Variants in DNAJC24 observed in about 807,000 individuals in gnomAD.
DNAJC24 encodes the protein DnaJ heat shock protein family (Hsp40) member C24, also known as dnaJ homolog subfamily C member 24.
In DNAJC24, 17 loss-of-function variants were observed where a neutral mutation model predicts 18.0. The ratio of observed to expected loss-of-function variants is 0.94; its 90% CI spans 0.65 to 1.42. DNAJC24 has a LOEUF of 1.42. DNAJC24 is among the 40% of genes most tolerant of loss of function. The pLI, the probability that DNAJC24 is intolerant of heterozygous loss-of-function variation, is 0.00. For missense variants in DNAJC24, 158 were observed against 175.6 expected (o/e 0.90, Z 0.57); for synonymous variants, 55 against 57.7 (o/e 0.95, Z 0.21).
chr11:31,423,349 C>T (rs149060469), intron 3 of DNAJC24, among the ~76,000 whole-genome samples: 1,596 of 152,260 alleles, frequency 0.01, 69 homozygotes, highest in Admixed American at 0.083. Context: ...CAACCTCTGC[C>T]TCCTGGGTTC....
Position 31,430,435 on chromosome 11 carries a change from T to C in DNAJC24, c.*34T>C, listed in dbSNP as rs374133156. 3.9e-5 allele frequency: 61 copies of C among 1,568,304 alleles called. No individual in the cohort carries two copies. The highest frequency in any genetic ancestry group is 5.1e-5 in the Non-Finnish European group (59 of 1,151,814). ...ACAACTTGAAATGCTTTAACTGTGG[T>C]ATTGAGACATGATGAGAAGCCGTTG... is the stretch of plus-strand genomic sequence containing the variant. On this transcript the variant is annotated 3_prime_UTR_variant, in exon 5 of 5. Coordinates refer to ENST00000465995, the MANE Select transcript of DNAJC24 (RefSeq NM_181706.5).
intron 3 of DNAJC24, among the ~76,000 whole-genome samples, chr11:31,424,432 T>A (rs1952840351): frequency 6.6e-6 from 1 of 152,294 alleles, no homozygotes; most frequent in South Asian, 2.1e-4. Flanking sequence ...TCCTTCTGAG[T>A]AAGAAATTAA....
At chr11:31,403,269 A>G (rs1314402145) in intron 2 of DNAJC24, among the ~76,000 whole-genome samples, 1 of 152,076 alleles carries the variant, frequency 6.6e-6, no homozygotes, top group Non-Finnish European at 1.5e-5. Flanking sequence ...AGTTACATCA[A>G]GATTTGTAGT....
chr11:31,402,730 G>T (rs1952611853), intron 2 of DNAJC24, among the ~76,000 whole-genome samples: 1 of 152,152 alleles, frequency 6.6e-6, no homozygotes, highest in Non-Finnish European at 1.5e-5. Flanking sequence ...GGCTGTTCCT[G>T]AACTCCTGGC....
chr11:31,415,252 TTTA>T, intron 3 of DNAJC24: 1 of 209,672 alleles, frequency 4.8e-6, no homozygotes, highest in Non-Finnish European at 9.5e-6. Flanking sequence ...TTAAAAACTT[TTTA>T]TTAAAATAAA....
At chr11:31,413,297 T>C (rs1952724936) in intron 2 of DNAJC24, among the ~76,000 whole-genome samples, 1 of 151,574 alleles carries the variant, frequency 6.6e-6, no homozygotes, top group African/African-American at 2.4e-5. Context: ...AATATAAAAC[T>C]GTCAAAGTAA....
rs758763909 is a variant in DNAJC24, at chr11:31,430,331, A to G, written c.380A>G (p.Glu127Gly). The G allele has an allele frequency of 6.2e-7, 1 of 1,611,970 alleles. No individual in the cohort carries two copies. Among genetic ancestry groups the G allele is most frequent in the East Asian group, 2.2e-5 (1 of 44,770 alleles). ...GGAAAATACAGTGTTTCCAAGGATG[A>G]AGCGGAAGAAGTTAGCCTGATTTCT... ...CGGKYSVSKDEAEEVSLISCD... is the reference protein window; with the variant it reads ...CGGKYSVSKDGAEEVSLISCD... The change falls in exon 5 of 5, where the codon GAA (glutamate) becomes GGA (glycine). Residue 127 changes from glutamate to glycine, a missense_variant. By Grantham distance (98) the Glu-to-Gly change is moderately conservative. Transcript: ENST00000465995.
rs1308306051 is a variant in DNAJC24 at position 31,372,448 on chromosome 11, C to T, written c.111+1589C>T. ...CTAAATGACCTTAAGGTACCTTTTGCCCCAGAAGTTTTAAAGTTTCTGTCA... is the reference window on the plus strand; with the variant it reads ...CTAAATGACCTTAAGGTACCTTTTGTCCCAGAAGTTTTAAAGTTTCTGTCA... On this transcript the variant is annotated intron_variant, in intron 2 of 4. Coordinates refer to ENST00000465995, the MANE Select transcript of DNAJC24 (RefSeq NM_181706.5). 1.5e-5 allele frequency among the ~76,000 whole-genome samples: 2 copies of T among 134,628 alleles called. 1 individual carries two copies. Among genetic ancestry groups the T allele is most frequent in the Non-Finnish European group, 3.4e-5 (2 of 58,298 alleles). 88.3% of individuals were successfully genotyped at this position (134,628 alleles called of 152,430 possible). A position where few individuals can be genotyped will look rare whatever the true frequency, so the allele number is the denominator to read the frequency against.
chr11:31,409,835 G>T (rs535166776), intron 2 of DNAJC24, among the ~76,000 whole-genome samples: 1 of 150,176 alleles, frequency 6.7e-6, no homozygotes, highest in Admixed American at 6.6e-5. Flanking sequence ...GAGAATTCTG[G>T]TTATTTCATA....
chr11:31,371,436 A>C (rs183367656), intron 2 of DNAJC24, among the ~76,000 whole-genome samples: 39 of 152,164 alleles, frequency 2.6e-4, no homozygotes, highest in Middle Eastern at 3.4e-3. Flanking sequence ...CTCTTACCTA[A>C]TTTTCATATC....
At chr11:31,370,624 A>G in intron 1 of DNAJC24, 92 bp from the exon 2 acceptor site, 1 of 551,836 alleles carries the variant, frequency 1.8e-6, no homozygotes, top group Non-Finnish European at 3.2e-6. Context: ...GATTTACTCG[A>G]CTAAATACTA....
At chr11:31,372,182 T>C (rs1952271436) in intron 2 of DNAJC24, among the ~76,000 whole-genome samples, 2 of 152,142 alleles carry the variant, frequency 1.3e-5, no homozygotes, top group African/African-American at 4.8e-5. Flanking sequence ...ATTTTTATAT[T>C]CATTTTTTCA....
At chr11:31,414,456 G>A (rs1341361267) in intron 2 of DNAJC24, among the ~76,000 whole-genome samples, 1 of 152,112 alleles carries the variant, frequency 6.6e-6, no homozygotes, top group East Asian at 1.9e-4. Context: ...TGCCTAATTT[G>A]TGCTCTTCCT....
intron 4 of DNAJC24, among the ~76,000 whole-genome samples, chr11:31,428,276 A>G (rs1426862560): frequency 6.6e-6 from 1 of 152,178 alleles, no homozygotes; most frequent in Non-Finnish European, 1.5e-5. Flanking sequence ...GTTAATCTTA[A>G]AAGTATAGGA....
intron 2 of DNAJC24, among the ~76,000 whole-genome samples, chr11:31,382,992 T>TA (rs1183285742): frequency 6.6e-6 from 1 of 152,168 alleles, no homozygotes; most frequent in Admixed American, 6.5e-5. Context: ...TACTTGTATT[T>TA]ACATACTCAT....
chr11:31,372,843 G>T (rs1489608321), intron 2 of DNAJC24, among the ~76,000 whole-genome samples: 1 of 134,640 alleles, frequency 7.4e-6, no homozygotes, highest in Non-Finnish European at 1.7e-5. Flanking sequence ...CCTGTGCTTT[G>T]TAAGATGTGT....
intron 2 of DNAJC24, among the ~76,000 whole-genome samples, chr11:31,378,972 A>G (rs1211956695): frequency 1.3e-5 from 2 of 152,196 alleles, no homozygotes; most frequent in Admixed American, 1.3e-4. Context: ...TGCTAGGACA[A>G]CTAAGGTGTG....
chr11:31,429,381 G>A, intron 4 of DNAJC24: 1 of 284,120 alleles, frequency 3.5e-6, no homozygotes, highest in South Asian at 3.1e-5. Flanking sequence ...ATGGAATGAA[G>A]ATATTTGTAT....
intron 2 of DNAJC24, chr11:31,374,015 C>A: frequency 3.5e-6 from 1 of 284,668 alleles, no homozygotes. Context: ...AATTTTCTGC[C>A]AACACAATTA....
Sources: allele counts gnomAD v4.1 joint callset (sites outside exome capture counted in the v4.1 genomes callset), GRCh38; gene constraint gnomAD v4.1.1; transcripts MANE v1.5; gene names NCBI Gene and HGNC (gene_info 2026-07-23, HGNC 2026-07-21).